Variants in FBLN2 observed in about 807,000 individuals in gnomAD.
The protein encoded by FBLN2 is fibulin 2.
A neutral mutation model predicts 123.7 loss-of-function variants in FBLN2; 81 were observed. That is an observed-to-expected ratio of 0.65 (90% CI 0.55 to 0.79). The LOEUF (loss-of-function observed/expected upper bound fraction) is 0.79. Ranked by LOEUF, FBLN2 falls within the 30% of genes least tolerant of loss-of-function variation. The pLI, the probability that FBLN2 is intolerant of heterozygous loss-of-function variation, is 0.00. For synonymous variants in FBLN2, 699 were observed against 701.4 expected, an observed-to-expected ratio of 1.00 and a Z score of 0.05; for missense variants, 1,603 against 1,681.3, an observed-to-expected ratio of 0.95 and a Z score of 0.81.
intron 1 of FBLN2, among the ~76,000 whole-genome samples, chr3:13,567,477 C>A (rs1703784241): frequency 6.6e-6 from 1 of 152,234 alleles, no homozygotes; most frequent in Non-Finnish European, 1.5e-5. Flanking sequence ...CCTGCCTCAT[C>A]CTCCTGAGTT....
In FBLN2 at chr3:13,571,393, C is replaced by T. The variant is rs111539464; in HGVS notation, c.1038C>T (p.Ala346=). The T allele has an allele frequency of 1.2e-6, 2 of 1,613,042 alleles. No homozygotes were observed. The highest frequency in any genetic ancestry group is 1.1e-5 in the South Asian group (1 of 90,790). The change falls in exon 2 of 18, where the codon GCC becomes GCT. Residue 346 remains alanine (A), a synonymous_variant. Transcript: ENST00000404922. ...AGAACCTCATCCTGGATGCCCAAGCCACGTCCCGCAGCACTGGGCCGGAGG... is the reference window on the plus strand; with the variant it reads ...AGAACCTCATCCTGGATGCCCAAGCTACGTCCCGCAGCACTGGGCCGGAGG... The part of the protein sequence containing the change: ...PEENLILDAQ[A]TSRSTGPEGV...
intron 2 of FBLN2, among the ~76,000 whole-genome samples, chr3:13,607,199 G>C (rs1187816595): frequency 6.6e-6 from 1 of 151,150 alleles, no homozygotes; most frequent in Non-Finnish European, 1.5e-5. Flanking sequence ...TGTTGGCCAG[G>C]CTGGTCTTGA....
intron 9 of FBLN2, among the ~76,000 whole-genome samples, chr3:13,622,133 G>T (rs1171007006): frequency 6.6e-6 from 1 of 152,186 alleles, no homozygotes; most frequent in Non-Finnish European, 1.5e-5. Context: ...CCAGGGACGT[G>T]TCTATGTGTC....
chr3:13,581,431 T>C (rs1322348965), intron 2 of FBLN2, among the ~76,000 whole-genome samples: 2 of 152,072 alleles, frequency 1.3e-5, no homozygotes, highest in Admixed American at 6.6e-5. Flanking sequence ...CTCTCTGGGC[T>C]GAAGTAGAGG....
chr3:13,597,553 G>A (rs911206216), intron 2 of FBLN2, among the ~76,000 whole-genome samples: 2 of 152,214 alleles, frequency 1.3e-5, no homozygotes, highest in African/African-American at 2.4e-5. Flanking sequence ...TGCAGTGTTG[G>A]TGTGCTCCTT....
chr3:13,605,498 G>C (rs541025285), intron 2 of FBLN2, among the ~76,000 whole-genome samples: 77 of 152,304 alleles, frequency 5.1e-4, no homozygotes, highest in African/African-American at 1.4e-3. Flanking sequence ...CCACACTTCT[G>C]TGTGTTGGTG....
intron 2 of FBLN2, among the ~76,000 whole-genome samples, chr3:13,591,247 G>A (rs181209116): frequency 2.0e-4 from 30 of 152,298 alleles, no homozygotes; most frequent in Non-Finnish European, 3.5e-4. Context: ...TTGATTCATA[G>A]GGGTTTTAAA....
At chr3:13,569,491 G>A (rs2125041009) in intron 1 of FBLN2, among the ~76,000 whole-genome samples, 1 of 152,166 alleles carries the variant, frequency 6.6e-6, no homozygotes, top group South Asian at 2.1e-4. Context: ...AGAGATGGAA[G>A]GAAGGGGTAG....
intron 2 of FBLN2, among the ~76,000 whole-genome samples, chr3:13,603,950 T>G (rs539504804): frequency 2.6e-5 from 4 of 152,284 alleles, no homozygotes; most frequent in African/African-American, 7.2e-5. Context: ...GAGATGGTAT[T>G]TCATTGTGGT....
intron 1 of FBLN2, among the ~76,000 whole-genome samples, chr3:13,561,912 T>G (rs1031552722): frequency 1.3e-5 from 2 of 152,228 alleles, no homozygotes; most frequent in African/African-American, 2.4e-5. Flanking sequence ...GACAGATCAT[T>G]TACTCTGTCT....
At position 13,571,284 on chromosome 3, in the gene FBLN2, C is replaced by T. The variant is rs779577775; in HGVS notation, c.929C>T (p.Thr310Ile). ...AGGGGGCTGGATGGGCTGCCCACTA[C>T]AGCCCCAGCTGGACCCAGTCTTCCT... ...GHRGLDGLPT[T>I]APAGPSLPIQ... Residue 310 changes from threonine (T) to isoleucine (I), a missense_variant, in exon 2 of 18, where the codon ACA becomes ATA. Physicochemically the swap from Thr to Ile is moderately conservative, Grantham distance 89. Transcript: ENST00000404922. The T allele has an allele frequency of 3.2e-6, 5 of 1,574,610 alleles. No individual in the cohort carries two copies. The African/African-American group carries it at 4.1e-5, about 13-fold the overall frequency.
intron 4 of FBLN2, 30 bp from the exon 5 acceptor site, chr3:13,613,954 T>C (rs753599211): frequency 4.4e-6 from 7 of 1,600,980 alleles, no homozygotes; most frequent in East Asian, 4.5e-5. Context: ...GGGCCAGAGA[T>C]TGGGCAGTGA....
At chr3:13,589,976 A>G (rs901116850) in intron 2 of FBLN2, among the ~76,000 whole-genome samples, 10 of 152,196 alleles carry the variant, frequency 6.6e-5, no homozygotes, top group African/African-American at 2.2e-4. Flanking sequence ...AGTAAAATGT[A>G]TAGACAGTAA....
At position 13,592,018 on chromosome 3, in the gene FBLN2, C is replaced by CTTTTTT. The variant is rs869103466; in HGVS notation, c.1307-16030_1307-16025dup. On this transcript the variant is annotated intron_variant, in intron 2 of 17. Coordinates refer to ENST00000404922, the MANE Select transcript of FBLN2 (RefSeq NM_001004019.2). ...ATGGTCTGTTTCTGGCCTCTCTTTT[C>CTTTTTT]TTTTTTTTTTTTTTTTTTTATTTTG... 3.1e-3 allele frequency among the ~76,000 whole-genome samples: 404 copies of CTTTTTT among 131,742 alleles called. 4 individuals carry two copies. Among genetic ancestry groups the CTTTTTT allele is most frequent in the Non-Finnish European group, 3.5e-3 (217 of 61,742 alleles). The allele number at this position is 131,742 out of a possible 152,430, so 86.4% of individuals were successfully genotyped here.
chr3:13,572,575 C>A (rs1290500544), intron 2 of FBLN2, among the ~76,000 whole-genome samples: 1 of 152,244 alleles, frequency 6.6e-6, no homozygotes, highest in Non-Finnish European at 1.5e-5. Flanking sequence ...ACCAGGGCAC[C>A]CAGGCTTCAG....
intron 2 of FBLN2, among the ~76,000 whole-genome samples, chr3:13,583,659 G>C (rs2124844538): frequency 6.6e-6 from 1 of 152,368 alleles, no homozygotes; most frequent in East Asian, 1.9e-4. Context: ...TCAAGGTCTA[G>C]GCCGGTGGAC....
intron 8 of FBLN2, among the ~76,000 whole-genome samples, chr3:13,620,856 C>G (rs1705826311): frequency 6.6e-6 from 1 of 152,234 alleles, no homozygotes; most frequent in African/African-American, 2.4e-5. Flanking sequence ...TGGACAAACA[C>G]CGTCCTACGA....
At position 13,608,223 on chromosome 3, in the gene FBLN2, G is replaced by C. The variant is rs1705272172; in HGVS notation, c.1418+50G>C. The C allele has an allele frequency of 2.2e-6, 3 of 1,389,064 alleles. No homozygotes were observed. The South Asian group carries it at 3.7e-5, about 17-fold the overall frequency. The allele number at this position is 1,389,064 out of a possible 1,614,324, so 86.0% of individuals were successfully genotyped here. On this transcript the variant is annotated intron_variant, in intron 3 of 17. Transcript: ENST00000404922. ...CGGAGCTGCCCATTTGCCTTCTCCA[G>C]AACCCTGCTTGCCTAGGACCCCAGG...
intron 9 of FBLN2, 150 bp downstream of exon 9, chr3:13,622,065 C>T: frequency 4.2e-6 from 4 of 946,032 alleles, no homozygotes; most frequent in Non-Finnish European, 6.1e-6. Flanking sequence ...ATGTCGTGCC[C>T]TTGTGTCCTG....
Sources: gnomAD v4.1 joint callset for allele counts (sites outside exome capture counted in the v4.1 genomes callset) on GRCh38, gnomAD v4.1.1 for gene constraint, MANE v1.5 for transcripts, NCBI Gene and HGNC (gene_info 2026-07-23, HGNC 2026-07-21) for gene names.